ROBO2: variants seen among roughly 807,000 people sequenced by gnomAD.
ROBO2 encodes the protein roundabout guidance receptor 2.
A neutral mutation model predicts 160.8 loss-of-function variants in ROBO2; 53 were observed. The observed-to-expected ratio is 0.33, with a 90% confidence interval of 0.26 to 0.41. The LOEUF (loss-of-function observed/expected upper bound fraction) is 0.41, where lower values mean the gene tolerates loss of function less well. Ranked by LOEUF, ROBO2 falls within the 10% of genes least tolerant of loss-of-function variation. ROBO2 has a pLI of 1.00. For missense variants in ROBO2, 1,577 were observed against 1,722.4 expected, an observed-to-expected ratio of 0.92 and a Z score of 1.49; for synonymous variants, 664 against 611.7, an observed-to-expected ratio of 1.09 and a Z score of -1.26.
intron 2 of ROBO2, among the ~76,000 whole-genome samples, chr3:77,432,964 A>G (rs562623850): frequency 1.3e-5 from 2 of 152,244 alleles, no homozygotes; most frequent in Admixed American, 1.3e-4. Flanking sequence ...ATGGGATTGG[A>G]TTGTTTCTTT....
intron 2 of ROBO2, among the ~76,000 whole-genome samples, chr3:76,533,156 A>G (rs1414845332): frequency 1.3e-5 from 2 of 152,264 alleles, no homozygotes; most frequent in Admixed American, 6.5e-5. Flanking sequence ...TTTTAGAGCC[A>G]TAGATCTCTT....
At chr3:76,830,241 A>G (rs1254241840) in intron 2 of ROBO2, among the ~76,000 whole-genome samples, 2 of 152,030 alleles carry the variant, frequency 1.3e-5, no homozygotes, top group African/African-American at 4.8e-5. Context: ...TGTATTCAGA[A>G]CCTCAGCCAT....
chr3:76,037,516 A>G (rs966534215), intron 2 of ROBO2, among the ~76,000 whole-genome samples: 1 of 151,842 alleles, frequency 6.6e-6, no homozygotes, highest in African/African-American at 2.4e-5. Flanking sequence ...CGGACTCCCA[A>G]AGTGCTGGGA....
chr3:76,394,564 C>T (rs936193221), intron 2 of ROBO2, among the ~76,000 whole-genome samples: 18 of 152,108 alleles, frequency 1.2e-4, no homozygotes, highest in Non-Finnish European at 2.5e-4. Context: ...TTTTTTCCTT[C>T]GTTTCAACTT....
intron 2 of ROBO2, among the ~76,000 whole-genome samples, chr3:77,289,515 G>A (rs1281303228): frequency 2.0e-5 from 3 of 151,772 alleles, no homozygotes; most frequent in African/African-American, 7.3e-5. Flanking sequence ...CGGTTCAATG[G>A]GTAAGCTGAG....
At chr3:77,017,817 C>G (rs2062372600) in intron 2 of ROBO2, among the ~76,000 whole-genome samples, 1 of 151,934 alleles carries the variant, frequency 6.6e-6, no homozygotes, top group Non-Finnish European at 1.5e-5. Flanking sequence ...GTTGCATCAT[C>G]TAATATTTTG....
At chr3:77,344,205 G>T (rs1314025570) in intron 2 of ROBO2, among the ~76,000 whole-genome samples, 1 of 152,106 alleles carries the variant, frequency 6.6e-6, no homozygotes, top group South Asian at 2.1e-4. Flanking sequence ...TGACAAAAAA[G>T]AGTCAGCCAT....
intron 2 of ROBO2, among the ~76,000 whole-genome samples, chr3:76,205,602 T>C (rs1702762920): frequency 6.6e-6 from 1 of 152,180 alleles, no homozygotes; most frequent in Non-Finnish European, 1.5e-5. Context: ...ATCTTCCCAT[T>C]GAACAGGTTT....
intron 1 of ROBO2, among the ~76,000 whole-genome samples, chr3:77,092,622 A>G (rs923083646): frequency 2.7e-5 from 4 of 146,644 alleles, no homozygotes; most frequent in African/African-American, 9.9e-5. Context: ...ATTATTATAT[A>G]TAATATATAA....
chr3:76,363,056 C>T (rs541567112), intron 2 of ROBO2, among the ~76,000 whole-genome samples: 85 of 152,112 alleles, frequency 5.6e-4, no homozygotes, highest in African/African-American at 2.0e-3. Flanking sequence ...TTGACCTTGT[C>T]TGGTAAATGT....
intron 2 of ROBO2, among the ~76,000 whole-genome samples, chr3:76,560,935 T>TAG (rs1162188408): frequency 0.011 from 8 of 746 alleles, no homozygotes; most frequent in African/African-American, 0.015. Context: ...AGAAGTAAGA[T>TAG]ATATATATAT....
intron 17 of ROBO2, among the ~76,000 whole-genome samples, chr3:77,591,449 C>T (rs1049070946): frequency 6.6e-6 from 1 of 152,124 alleles, no homozygotes. Context: ...GATTAGGATT[C>T]ATCCTGTGAG....
chr3:76,872,766 AAAAT>A (rs1426620001), intron 2 of ROBO2, among the ~76,000 whole-genome samples: 1 of 151,984 alleles, frequency 6.6e-6, no homozygotes, highest in Non-Finnish European at 1.5e-5. Context: ...CTGCTTCTAT[AAAAT>A]AAATATATTT....
intron 2 of ROBO2, among the ~76,000 whole-genome samples, chr3:76,063,281 C>G (rs768339877): frequency 2.0e-5 from 3 of 151,666 alleles, no homozygotes; most frequent in Non-Finnish European, 4.4e-5. Context: ...AAAATAGCTA[C>G]CATTCACTGA....
intron 13 of ROBO2, among the ~76,000 whole-genome samples, chr3:77,569,463 T>G (rs77081318): frequency 0.016 from 2,414 of 152,118 alleles, 69 homozygotes; most frequent in African/African-American, 0.056. Context: ...TGAACTTTTT[T>G]TTTAGAGAAA....
chr3:76,397,813 A>C lies in ROBO2; in HGVS notation c.109+460211A>C, dbSNP rs562160180. 4.9e-4 allele frequency among the ~76,000 whole-genome samples: 74 copies of C among 152,086 alleles called. 1 individual carries two copies. The Middle Eastern group carries it at 0.02, about 42-fold the overall frequency. ...CCAGTGAGAATGGCAATCATTAAAA[A>C]GTCAGGAAACAACAGGTGCTGGAGA... On this transcript the variant is annotated intron_variant, in intron 2 of 26. Transcript: ENST00000487694.
At chr3:76,922,603 C>T (rs1050535627) in intron 2 of ROBO2, among the ~76,000 whole-genome samples, 1 of 152,154 alleles carries the variant, frequency 6.6e-6, no homozygotes, top group Non-Finnish European at 1.5e-5. Context: ...ACCAGGAAGG[C>T]CTCCCTCAGA....
chr3:77,370,515 G>A (rs1029371773), intron 2 of ROBO2, among the ~76,000 whole-genome samples: 1 of 152,136 alleles, frequency 6.6e-6, no homozygotes, highest in Admixed American at 6.6e-5. Context: ...CCCTGGGCTT[G>A]TGGCAGCAGG....
intron 5 of ROBO2, among the ~76,000 whole-genome samples, chr3:77,520,040 G>A (rs940597393): frequency 2.6e-5 from 4 of 150,974 alleles, no homozygotes; most frequent in Non-Finnish European, 5.9e-5. Context: ...TGAATAAACA[G>A]GTTTTTTTCT....
Sources: allele counts gnomAD v4.1 joint callset (sites outside exome capture counted in the v4.1 genomes callset), GRCh38; gene constraint gnomAD v4.1.1; transcripts MANE v1.5; gene names NCBI Gene and HGNC (gene_info 2026-07-23, HGNC 2026-07-21).